TSHZ2: variants seen among roughly 807,000 people sequenced by gnomAD.
TSHZ2 encodes teashirt zinc finger homeobox 2.
TSHZ2 carries 21 observed loss-of-function variants against 74.4 expected under a neutral mutation model. That is an observed-to-expected ratio of 0.28 (90% CI 0.20 to 0.41). The LOEUF is 0.41. Ranked by LOEUF, TSHZ2 falls within the 10% of genes least tolerant of loss-of-function variation. The pLI is 1.00. For missense variants in TSHZ2, 1,244 were observed against 1,293.5 expected, an observed-to-expected ratio of 0.96 and a Z score of 0.59; for synonymous variants, 540 against 515.3, an observed-to-expected ratio of 1.05 and a Z score of -0.65.
intron 1 of TSHZ2, among the ~76,000 whole-genome samples, chr20:52,975,522 G>GGTGT (rs11470780): frequency 3.3e-5 from 5 of 150,086 alleles, no homozygotes; most frequent in Admixed American, 2.7e-4. Context: ...GGTGTGTGGG[G>GGTGT]GTGTGTGTGT....
At chr20:53,217,342 T>G (rs546407474) in intron 1 of TSHZ2, among the ~76,000 whole-genome samples, 3 of 152,178 alleles carry the variant, frequency 2.0e-5, no homozygotes, top group African/African-American at 7.2e-5. Flanking sequence ...GACAGCCCCC[T>G]GGCTCTAGGC....
rs1990926391 is a variant in TSHZ2 at position 53,275,549 on chromosome 20, G to T, written c.*8+18978G>T. Reference sequence around the variant, plus strand: ...AAAGGCTGCAGGTCGATGAGCACAAGCCCCCTGTGTGCTGTATAATTCCTA... The same window carrying T: ...AAAGGCTGCAGGTCGATGAGCACAATCCCCCTGTGTGCTGTATAATTCCTA... On this transcript the variant is annotated intron_variant, in intron 2 of 2. Coordinates refer to ENST00000371497, the MANE Select transcript of TSHZ2 (RefSeq NM_173485.6). Among the ~76,000 whole-genome samples, 4 of 152,148 alleles carry T rather than the reference G, an allele frequency of 2.6e-5. No individual in the cohort carries two copies. In the South Asian group the frequency reaches 8.3e-4, roughly 32 times the overall value.
intron 1 of TSHZ2, among the ~76,000 whole-genome samples, chr20:53,190,078 C>G (rs1433862047): frequency 1.4e-5 from 1 of 71,060 alleles, no homozygotes; most frequent in South Asian, 4.2e-4. Context: ...AAACAAGACC[C>G]TGTCTCAAAT....
At chr20:53,324,400 C>T (rs1979410031) in intron 2 of TSHZ2, among the ~76,000 whole-genome samples, 1 of 152,058 alleles carries the variant, frequency 6.6e-6, no homozygotes, top group Non-Finnish European at 1.5e-5. Flanking sequence ...TTTTTTGAGA[C>T]AAGGTGTTAC....
chr20:53,384,648 C>T (rs1025173339), intron 2 of TSHZ2, among the ~76,000 whole-genome samples: 1 of 152,158 alleles, frequency 6.6e-6, no homozygotes, highest in Non-Finnish European at 1.5e-5. Flanking sequence ...AGGCCTGCTT[C>T]ACAATCACAA....
chr20:53,163,360 CTTTTTTTTTTTTTT>C (rs55685519), intron 1 of TSHZ2, among the ~76,000 whole-genome samples: 6 of 65,634 alleles, frequency 9.1e-5, no homozygotes, highest in East Asian at 6.2e-4. Flanking sequence ...CTCTCTGTCT[CTTTTTTTTTTTTTT>C]TTTTTTTTTT....
intron 1 of TSHZ2, among the ~76,000 whole-genome samples, chr20:53,146,473 G>C (rs1383396020): frequency 6.6e-6 from 1 of 152,174 alleles, no homozygotes; most frequent in African/African-American, 2.4e-5. Context: ...GATGAAGGAG[G>C]CCTTTGAAAT....
intron 2 of TSHZ2, among the ~76,000 whole-genome samples, chr20:53,348,254 T>A (rs1980516177): frequency 6.6e-6 from 1 of 152,174 alleles, no homozygotes; most frequent in Admixed American, 6.5e-5. Context: ...TGCTCATGAA[T>A]GGATAAACAA....
chr20:53,454,547 G>T (rs1984968740), intron 2 of TSHZ2, among the ~76,000 whole-genome samples: 1 of 150,688 alleles, frequency 6.6e-6, no homozygotes, highest in South Asian at 2.1e-4. Context: ...GGGTGACAGA[G>T]TGAAACTTGG....
chr20:53,144,294 G>A (rs991360917), intron 1 of TSHZ2, among the ~76,000 whole-genome samples: 1 of 152,212 alleles, frequency 6.6e-6, no homozygotes, highest in South Asian at 2.1e-4. Context: ...CAGACAGGAA[G>A]GGGATTTGTT....
intron 2 of TSHZ2, chr20:53,421,538 G>C (rs1012598645): frequency 4.4e-6 from 1 of 228,744 alleles, no homozygotes; most frequent in Non-Finnish European, 9.1e-6. Context: ...GATGGCAAGC[G>C]TGTGATGTTT....
chr20:53,339,363 A>G (rs964504691), intron 2 of TSHZ2, among the ~76,000 whole-genome samples: 2 of 152,058 alleles, frequency 1.3e-5, no homozygotes, highest in African/African-American at 2.4e-5. Context: ...CCCAGCCTCA[A>G]GCTCTCATAG....
chr20:53,436,302 CCTT>C (rs892589684), intron 2 of TSHZ2, among the ~76,000 whole-genome samples: 9 of 152,180 alleles, frequency 5.9e-5, no homozygotes, highest in Middle Eastern at 3.4e-3. Flanking sequence ...AGGTAATGTG[CCTT>C]CTTTTCTTTT....
chr20:53,078,121 C>G (rs73911303), intron 1 of TSHZ2, among the ~76,000 whole-genome samples: 1 of 152,172 alleles, frequency 6.6e-6, no homozygotes, highest in South Asian at 2.1e-4. Context: ...CTATCAATCA[C>G]GAATCCAGCT....
At chr20:53,138,834 G>C (rs1987317931) in intron 1 of TSHZ2, among the ~76,000 whole-genome samples, 1 of 152,222 alleles carries the variant, frequency 6.6e-6, no homozygotes, top group African/African-American at 2.4e-5. Flanking sequence ...CCACAGGGCT[G>C]TGCCCAAGTC....
At chr20:53,216,969 C>T (rs1304900583) in intron 1 of TSHZ2, among the ~76,000 whole-genome samples, 1 of 152,204 alleles carries the variant, frequency 6.6e-6, no homozygotes, top group Non-Finnish European at 1.5e-5. Context: ...CGGCCCATCC[C>T]CAGTTTCCAA....
chr20:53,180,569 C>A (rs750212789), intron 1 of TSHZ2, among the ~76,000 whole-genome samples: 6 of 152,108 alleles, frequency 3.9e-5, no homozygotes, highest in Non-Finnish European at 5.9e-5. Flanking sequence ...ATAAATAAAG[C>A]AACCCTGGAG....
At chr20:53,055,188 C>T (rs1984598866) in intron 1 of TSHZ2, among the ~76,000 whole-genome samples, 1 of 152,182 alleles carries the variant, frequency 6.6e-6, no homozygotes, top group African/African-American at 2.4e-5. Flanking sequence ...CATTGTCTTC[C>T]ACAGGTTTTA....
At chr20:53,192,021 A>G (rs1222211907) in intron 1 of TSHZ2, among the ~76,000 whole-genome samples, 1 of 152,224 alleles carries the variant, frequency 6.6e-6, no homozygotes, top group Non-Finnish European at 1.5e-5. Context: ...TTAAATTTTA[A>G]AAATCACAAT....
Sources: allele counts gnomAD v4.1 joint callset (sites outside exome capture counted in the v4.1 genomes callset), GRCh38; gene constraint gnomAD v4.1.1; transcripts MANE v1.5; gene names NCBI Gene and HGNC (gene_info 2026-07-23, HGNC 2026-07-21).